Variants in LRRIQ3 observed in about 807,000 individuals in gnomAD.
The protein encoded by LRRIQ3 is leucine rich repeats and IQ motif containing 3.
A neutral mutation model predicts 59.3 loss-of-function variants in LRRIQ3; 75 were observed. That is an observed-to-expected ratio of 1.26 (90% CI 1.05 to 1.53). The LOEUF is 1.53. LRRIQ3 is among the 40% of genes most tolerant of loss of function. The probability of loss-of-function intolerance (pLI) is 0.00; values close to 1 mark genes in which losing one functional copy is unlikely to be tolerated. For missense variants in LRRIQ3, 831 were observed against 710.0 expected (o/e 1.17, Z -1.94); for synonymous variants, 250 against 231.3 (o/e 1.08, Z -0.73).
chr1:74,115,748 A>G (rs1394452103), intron 4 of LRRIQ3, among the ~76,000 whole-genome samples: 2 of 152,108 alleles, frequency 1.3e-5, no homozygotes, highest in Non-Finnish European at 2.9e-5. Context: ...TTTTAAAGTT[A>G]TGTTATATAT....
intron 5 of LRRIQ3, among the ~76,000 whole-genome samples, chr1:74,105,338 G>A (rs1013883382): frequency 2.0e-5 from 3 of 150,796 alleles, no homozygotes; most frequent in East Asian, 1.9e-4. Context: ...TGCAACCTCC[G>A]CCTCTGGGAT....
At chr1:74,141,201 G>C (rs1474107654) in intron 4 of LRRIQ3, among the ~76,000 whole-genome samples, 2 of 151,826 alleles carry the variant, frequency 1.3e-5, no homozygotes, top group African/African-American at 4.8e-5. Context: ...TAACATCATG[G>C]AACTAGGTTT....
intron 6 of LRRIQ3, among the ~76,000 whole-genome samples, chr1:74,054,691 C>G (rs923569295): frequency 2.0e-5 from 3 of 147,790 alleles, no homozygotes; most frequent in Non-Finnish European, 4.5e-5. Flanking sequence ...TTGCTATGAA[C>G]AAAAACTGTC....
chr1:74,032,366 G>T (rs1653744830), intron 7 of LRRIQ3, among the ~76,000 whole-genome samples: 1 of 151,878 alleles, frequency 6.6e-6, no homozygotes, highest in South Asian at 2.1e-4. Context: ...GTTTCATTAG[G>T]TCAGAAGTCC....
chr1:74,045,391 G>A (rs1654169945), intron 6 of LRRIQ3, among the ~76,000 whole-genome samples: 1 of 152,056 alleles, frequency 6.6e-6, no homozygotes, highest in South Asian at 2.1e-4. Context: ...TGCAGAAAAG[G>A]CCTTCGACAA....
intron 3 of LRRIQ3, among the ~76,000 whole-genome samples, chr1:74,166,996 T>C (rs1649029086): frequency 6.6e-6 from 1 of 151,988 alleles, no homozygotes; most frequent in South Asian, 2.1e-4. Flanking sequence ...TTTACACTAT[T>C]GGTGAAAATG....
intron 3 of LRRIQ3, among the ~76,000 whole-genome samples, chr1:74,156,581 C>T (rs1648341890): frequency 1.3e-5 from 2 of 152,104 alleles, no homozygotes; most frequent in South Asian, 2.1e-4. Flanking sequence ...TCATTCTGCT[C>T]TCTAAATGGT....
intron 4 of LRRIQ3, among the ~76,000 whole-genome samples, chr1:74,120,522 T>C (rs1646839690): frequency 1.3e-5 from 2 of 152,054 alleles, no homozygotes; most frequent in Admixed American, 6.6e-5. Context: ...AACATCAATT[T>C]TTATATATGC....
intron 4 of LRRIQ3, among the ~76,000 whole-genome samples, chr1:74,112,109 A>AC (rs111661913): frequency 5.9e-5 from 9 of 152,136 alleles, no homozygotes; most frequent in African/African-American, 2.2e-4. Context: ...AAGACTAGAG[A>AC]CTGCTGTCAC....
chr1:74,155,707 C>A, intron 4 of LRRIQ3, 26 bp downstream of exon 4: 1 of 1,537,686 alleles, frequency 6.5e-7, no homozygotes, highest in African/African-American at 1.4e-5. Flanking sequence ...TTTCAATATT[C>A]AAATGGTAAA....
chr1:74,101,442 C>G (rs1019756179), intron 5 of LRRIQ3, among the ~76,000 whole-genome samples: 1 of 152,080 alleles, frequency 6.6e-6, no homozygotes, highest in Non-Finnish European at 1.5e-5. Context: ...GAAATAGGAA[C>G]ACTTTTTATA....
At chr1:74,066,020 C>A (rs1250181405) in intron 6 of LRRIQ3, among the ~76,000 whole-genome samples, 2 of 151,866 alleles carry the variant, frequency 1.3e-5, no homozygotes, top group Non-Finnish European at 2.9e-5. Flanking sequence ...AACCCCATCT[C>A]TACTAAAAAT....
Position 74,109,502 on chromosome 1 carries a change from A to G in LRRIQ3, c.759T>C (p.Tyr253=). 1 of 1,566,304 alleles carries G rather than the reference A, an allele frequency of 6.4e-7. No individual in the cohort carries two copies. The highest frequency in any genetic ancestry group is 8.6e-7 in the Non-Finnish European group (1 of 1,161,426). Residue 253 remains tyrosine (Y), a synonymous_variant, in exon 5 of 8, where the codon TAT becomes TAC. Transcript: ENST00000354431. ...KKQQEKIIRG[Y]EAKWIYITKG... The stretch of plus-strand genomic sequence containing the variant: ...TGGTTATGTAAATCCATTTTGCTTC[A>G]TATCCTCTAATAATTTTTTCCTGCT...
At chr1:74,173,903 C>G (rs548107973) in intron 3 of LRRIQ3, among the ~76,000 whole-genome samples, 1 of 152,002 alleles carries the variant, frequency 6.6e-6, no homozygotes. Context: ...TTGGTTGTCA[C>G]GTTTTGGGTT....
rs751977298 is a variant in LRRIQ3, at chr1:74,041,796, GA to G, written c.1134del (p.Pro379LeufsTer26). Reference sequence around the variant, plus strand: ...GTATAGATTGGCTGAGGATATGCAGGAAAAAAATGTTGTTTTTTCTCTCTCA... The same window carrying G: ...GTATAGATTGGCTGAGGATATGCAGGAAAAAATGTTGTTTTTTCTCTCTCA... ...AVLREKKQHF[F>X]PAYPQPIYTT... On this transcript the variant is annotated frameshift_variant, in exon 7 of 8. Coordinates refer to ENST00000354431, the MANE Select transcript of LRRIQ3 (RefSeq NM_001105659.2). LOFTEE classifies it high-confidence loss of function. The G allele has an allele frequency of 3.1e-6, 5 of 1,613,348 alleles. No homozygotes were observed. Among genetic ancestry groups the G allele is most frequent in the East Asian group, 2.2e-5 (1 of 44,816 alleles).
chr1:74,101,212 G>GA (rs1002958640), intron 5 of LRRIQ3, among the ~76,000 whole-genome samples: 5 of 151,754 alleles, frequency 3.3e-5, no homozygotes, highest in African/African-American at 1.2e-4. Flanking sequence ...AAACTTACAA[G>GA]AAAAAAACAA....
intron 4 of LRRIQ3, among the ~76,000 whole-genome samples, chr1:74,131,493 C>T (rs557005426): frequency 8.2e-4 from 125 of 152,212 alleles, no homozygotes; most frequent in Non-Finnish European, 1.5e-3. Flanking sequence ...ACTGGCAAAC[C>T]GAATCCAGCA....
At chr1:74,180,622 C>T in intron 3 of LRRIQ3, 1 of 1,180,340 alleles carries the variant, frequency 8.5e-7, no homozygotes. Flanking sequence ...CTCCTCTTTC[C>T]ACACTCAGTG....
chr1:74,030,900 C>G (rs1164976536), intron 7 of LRRIQ3, among the ~76,000 whole-genome samples: 1 of 152,006 alleles, frequency 6.6e-6, no homozygotes, highest in African/African-American at 2.4e-5. Flanking sequence ...ACAAAGAACT[C>G]AAACAAATTT....
Sources: gnomAD v4.1 joint callset for allele counts (sites outside exome capture counted in the v4.1 genomes callset) on GRCh38, gnomAD v4.1.1 for gene constraint, MANE v1.5 for transcripts, NCBI Gene and HGNC (gene_info 2026-07-23, HGNC 2026-07-21) for gene names.